The following UNC13D variants were observed in gnomAD, a reference collection of about 807,000 sequenced individuals.
UNC13D encodes the protein protein unc-13 homolog D.
In UNC13D, 115 loss-of-function variants were observed where a neutral mutation model predicts 151.7. The ratio of observed to expected loss-of-function variants is 0.76; its 90% CI spans 0.65 to 0.88. The LOEUF is 0.88. UNC13D is among the 40% of genes least tolerant of loss of function. UNC13D has a pLI of 0.00. For missense variants in UNC13D, 1,369 were observed against 1,438.7 expected (o/e 0.95, Z 0.78); for synonymous variants, 588 against 612.2 (o/e 0.96, Z 0.58).
At position 75,828,060 on chromosome 17, in the gene UNC13D, C is replaced by T. The variant is rs768436957; in HGVS notation, c.3178G>A (p.Gly1060Ser). The part of the protein sequence containing the change: ...NGDPILQLLE[G>S]RKGDREAQVF... ...TGGGCTTCTCGGTCACCCTTCCGGC[C>T]CTCCAGCAGCTGCAGGATTGGGTCC... is the stretch of plus-strand genomic sequence containing the variant. The change falls in exon 32 of 32, where the codon GGC becomes AGC. Residue 1060 changes from glycine (G) to serine (S), a missense_variant. Coordinates refer to ENST00000207549, the MANE Select transcript of UNC13D (RefSeq NM_199242.3). The T allele has an allele frequency of 3.2e-6, 5 of 1,574,444 alleles. No homozygotes were observed. The highest frequency in any genetic ancestry group is 4.3e-6 in the Non-Finnish European group (5 of 1,160,208).
chr17:75,844,048 G>A (rs2064968591), intron 1 of UNC13D, 173 bp downstream of exon 1: 1 of 1,441,094 alleles, frequency 6.9e-7, no homozygotes, highest in African/African-American at 1.4e-5. Flanking sequence ...GAGTCCATCT[G>A]GCAGCCCCTG....
intron 19 of UNC13D, 42 bp downstream of exon 19, chr17:75,835,605 C>T (rs763778679): frequency 6.2e-7 from 1 of 1,612,634 alleles, no homozygotes; most frequent in Non-Finnish European, 8.5e-7. Flanking sequence ...CCCTCCCCTC[C>T]CCTGTGCCCC....
At chr17:75,831,408 CAAAGACGCTCTTGAG>C (rs1567817258) in intron 25 of UNC13D, 60 bp from the exon 26 acceptor site, 1 of 1,497,130 alleles carries the variant, frequency 6.7e-7, no homozygotes, top group Non-Finnish European at 9.1e-7. Context: ...GAGGAGGAAG[CAAAGACGCTCTTGAG>C]AAAGGGGCGG....
At chr17:75,838,959 G>T (rs978146933) in intron 12 of UNC13D, among the ~76,000 whole-genome samples, 7 of 152,240 alleles carry the variant, frequency 4.6e-5, no homozygotes, top group African/African-American at 1.7e-4. Flanking sequence ...AATTAGCCGG[G>T]CGCGGTGGCT....
In UNC13D at chr17:75,830,176, G is replaced by A. The variant is rs377644361; in HGVS notation, c.2831-25C>T. On this transcript the variant is annotated intron_variant, in intron 29 of 31. Transcript: ENST00000207549. ...CCTGGTAAGTGGCCGGGGAGTGTGCGTCAGCTGAGGGTCTCCCAGGCACCC... is the reference window on the plus strand; with the variant it reads ...CCTGGTAAGTGGCCGGGGAGTGTGCATCAGCTGAGGGTCTCCCAGGCACCC... The A allele has an allele frequency of 3.7e-5, 58 of 1,580,822 alleles. 2 individuals carry two copies. The highest frequency in any genetic ancestry group is 3.1e-4 in the African/African-American group (23 of 74,074).
intron 30 of UNC13D, 79 bp from the exon 31 acceptor site, chr17:75,829,062 G>T: frequency 6.5e-7 from 1 of 1,529,528 alleles, no homozygotes; most frequent in Non-Finnish European, 8.8e-7. Context: ...CCCACTTGGT[G>T]TTGGGAACCA....
At position 75,841,003 on chromosome 17, in the gene UNC13D, T is replaced by A. The variant is rs770325118; in HGVS notation, c.570-2A>T. Reference sequence around the variant, plus strand: ...GCATTGGTGATGTCCTCAAACTCCCTGTATGGAGAAAAGGGCGTGGTTGAG... The same window carrying A: ...GCATTGGTGATGTCCTCAAACTCCCAGTATGGAGAAAAGGGCGTGGTTGAG... On this transcript the variant is annotated splice_acceptor_variant, in intron 6 of 31. Coordinates refer to ENST00000207549, the MANE Select transcript of UNC13D (RefSeq NM_199242.3). LOFTEE classifies it high-confidence loss of function. The A allele has an allele frequency of 4.3e-6, 7 of 1,614,012 alleles. No individual in the cohort carries two copies. The highest frequency in any genetic ancestry group is 5.9e-6 in the Non-Finnish European group (7 of 1,180,010).
chr17:75,827,856 G>A lies in UNC13D; in HGVS notation c.*109C>T. ...CACTCCGCATGCTGGGGCTCCCCAAGTGTTAGGCCAGGCTGGAGGGCCGCG... is the reference window on the plus strand; with the variant it reads ...CACTCCGCATGCTGGGGCTCCCCAAATGTTAGGCCAGGCTGGAGGGCCGCG... On this transcript the variant is annotated 3_prime_UTR_variant, in exon 32 of 32. Coordinates refer to ENST00000207549, the MANE Select transcript of UNC13D (RefSeq NM_199242.3). The A allele has an allele frequency of 6.5e-7, 1 of 1,536,482 alleles. No individual in the cohort carries two copies. Among genetic ancestry groups the A allele is most frequent in the Non-Finnish European group, 8.7e-7 (1 of 1,143,840 alleles).
chr17:75,843,071 G>A lies in UNC13D; in HGVS notation c.264C>T (p.Ala88=). 6.2e-7 allele frequency: 1 copy of A among 1,606,544 alleles called. No individual in the cohort carries two copies. The highest frequency in any genetic ancestry group is 8.5e-7 in the Non-Finnish European group (1 of 1,177,534). The part of the protein sequence containing the change: ...ASELLRYLQE[A]FHVEPEEHQQ... ...GGTGCTCCTCGGGCTCCACGTGGAA[G>A]GCCTGGTGGGGAGGCAGGCGGGTGG... The change falls in exon 4 of 32, where the codon GCC becomes GCT. Residue 88 remains alanine (A), a splice_region_variant and synonymous_variant. Transcript: ENST00000207549.
At chr17:75,837,933 C>A (rs1433072632) in intron 12 of UNC13D, among the ~76,000 whole-genome samples, 1 of 152,102 alleles carries the variant, frequency 6.6e-6, no homozygotes, top group Non-Finnish European at 1.5e-5. Context: ...GCCGAAGTCC[C>A]TATTGGACAC....
rs1335182864 is a variant in UNC13D at position 75,834,093 on chromosome 17, C to G, written c.2349G>C (p.Glu783Asp). ...KHIQKLVGVRESVLPEDAILP... is the reference protein window; with the variant it reads ...KHIQKLVGVRDSVLPEDAILP... ...CACTTACATCCTCAGGCAGGACAGA[C>G]TCCCTGACGCCCACCAGTTTCTGGA... The change falls in exon 24 of 32, where the codon GAG (glutamate) becomes GAC (aspartate). Residue 783 changes from glutamate to aspartate, a missense_variant. Physicochemically the swap from Glu to Asp is conservative, Grantham distance 45. Coordinates refer to ENST00000207549, the MANE Select transcript of UNC13D (RefSeq NM_199242.3). The G allele has an allele frequency of 3.7e-6, 6 of 1,613,200 alleles. No homozygotes were observed. The African/African-American group carries it at 6.7e-5, about 18-fold the overall frequency.
rs9904366 is a variant in UNC13D, at chr17:75,843,245, C to T, written c.175G>A (p.Ala59Thr). Residue 59 changes from alanine (A) to threonine (T), a missense_variant, in exon 3 of 32, where the codon GCA becomes ACA. By Grantham distance (58) the Ala-to-Thr change is moderately conservative. Coordinates refer to ENST00000207549, the MANE Select transcript of UNC13D (RefSeq NM_199242.3). The part of the protein sequence containing the change: ...PEQRALLYED[A>T]LYTVLHRLGH... ...AGGCGGTGCAAGACAGTGTAGAGTGCGTCCTCGTAGAGCAGGGCCCGCTAA... is the reference window on the plus strand; with the variant it reads ...AGGCGGTGCAAGACAGTGTAGAGTGTGTCCTCGTAGAGCAGGGCCCGCTAA... 0.014 allele frequency: 22,721 copies of T among 1,609,142 alleles called. 408 individuals are homozygous for T. The highest frequency in any genetic ancestry group is 0.13 in the Middle Eastern group (786 of 6,008).
intron 13 of UNC13D, 47 bp downstream of exon 13, chr17:75,836,754 T>C: frequency 6.2e-7 from 1 of 1,613,536 alleles, no homozygotes; most frequent in Non-Finnish European, 8.5e-7. Flanking sequence ...CCCCTGCCCC[T>C]TCCCTGAGCC....
At position 75,828,778 on chromosome 17, in the gene UNC13D, C is replaced by A; in HGVS notation, c.3151+9G>T. The A allele has an allele frequency of 6.5e-7, 1 of 1,529,758 alleles. No homozygotes were observed. Among genetic ancestry groups the A allele is most frequent in the South Asian group, 1.2e-5 (1 of 83,298 alleles). The allele number at this position is 1,529,758 out of a possible 1,614,324, so 94.8% of individuals were successfully genotyped here. A position where few individuals can be genotyped will look rare whatever the true frequency, so the allele number is the denominator to read the frequency against. ...TCCCCGCACCACCCTGCCCTGGGCTCAGGCCTACCGTTGGGTGCGGGGTAC... is the reference window on the plus strand; with the variant it reads ...TCCCCGCACCACCCTGCCCTGGGCTAAGGCCTACCGTTGGGTGCGGGGTAC... On this transcript the variant is annotated intron_variant, in intron 31 of 31. Transcript: ENST00000207549.
Position 75,842,872 on chromosome 17 carries a change from C to T in UNC13D, c.373G>A (p.Gly125Ser). The T allele has an allele frequency of 6.2e-7, 1 of 1,613,738 alleles. No individual in the cohort carries two copies. The highest frequency in any genetic ancestry group is 8.5e-7 in the Non-Finnish European group (1 of 1,180,012). Residue 125 changes from glycine (G) to serine (S), a missense_variant, in exon 5 of 32, where the codon GGC (glycine) becomes AGC (serine). Gly to Ser is a moderately conservative substitution (Grantham distance 56). Around this residue, in one of 3 missense-constraint regions of UNC13D, gnomAD observed 550 missense variants for 609.0 expected, o/e 0.90. Coordinates refer to ENST00000207549, the MANE Select transcript of UNC13D (RefSeq NM_199242.3). ...CCATGCTCACCACTGACATCTTTGC[C>T]CAGAATGCCCTTGGCCTGTTTCACT... Reference protein sequence around the residue: ...ATVKQAKGILGKDVSGFSDPY... With the variant: ...ATVKQAKGILSKDVSGFSDPY...
rs749977344 is a variant in UNC13D, at chr17:75,843,073, C to T, written c.262G>A (p.Ala88Thr). 4 of 1,605,362 alleles carry T rather than the reference C, an allele frequency of 2.5e-6. No homozygotes were observed. In the South Asian group the frequency reaches 3.3e-5, roughly 13 times the overall value. Residue 88 changes from alanine (A) to threonine (T), a missense_variant and splice_region_variant, in exon 4 of 32, where the codon GCC becomes ACC. This residue lies in a region of UNC13D where 550 missense variants were observed against 609.0 expected (regional missense o/e 0.90). Transcript: ENST00000207549. ...TGCTCCTCGGGCTCCACGTGGAAGG[C>T]CTGGTGGGGAGGCAGGCGGGTGGGT... ...ASELLRYLQE[A>T]FHVEPEEHQQ...
rs1555603499 is a variant in UNC13D at position 75,842,921 on chromosome 17, C to T, written c.324G>A (p.Lys108=). ...QTLQRVRELE[K]PIFCLKATVK... The stretch of plus-strand genomic sequence containing the variant: ...CTGTTGCCTTCAGACAAAATATTGG[C>T]TTCTGGAGGGACAGGAGGGATGGCC... The change falls in exon 5 of 32, where the codon AAG becomes AAA. Residue 108 remains lysine, a splice_region_variant and synonymous_variant. Coordinates refer to ENST00000207549, the MANE Select transcript of UNC13D (RefSeq NM_199242.3). The T allele has an allele frequency of 1.9e-6, 3 of 1,613,514 alleles. No homozygotes were observed. Among genetic ancestry groups the T allele is most frequent in the Non-Finnish European group, 1.7e-6 (2 of 1,179,996 alleles).
chr17:75,841,865 C>T (rs956261290), intron 6 of UNC13D, among the ~76,000 whole-genome samples: 1 of 151,862 alleles, frequency 6.6e-6, no homozygotes, highest in Non-Finnish European at 1.5e-5. Flanking sequence ...TCCCCTGCCT[C>T]AGCCTTCCGA....
At chr17:75,829,409 C>A (rs2062145180) in intron 30 of UNC13D, among the ~76,000 whole-genome samples, 1 of 151,938 alleles carries the variant, frequency 6.6e-6, no homozygotes, top group African/African-American at 2.4e-5. Context: ...GGTTCTCCTG[C>A]CTCAGCCTCC....
Sources: allele counts gnomAD v4.1 joint callset (sites outside exome capture counted in the v4.1 genomes callset), GRCh38; gene constraint gnomAD v4.1.1; regional missense constraint gnomAD v4.1.1; transcripts MANE v1.5; gene names NCBI Gene and HGNC (gene_info 2026-07-23, HGNC 2026-07-21).